Variants in PDZD2 observed in about 807,000 individuals in gnomAD.
The protein encoded by PDZD2 is PDZ domain-containing protein 2.
In PDZD2, 90 loss-of-function variants were observed where a neutral mutation model predicts 220.7. That is an observed-to-expected ratio of 0.41 (90% confidence interval 0.34 to 0.49). The LOEUF (loss-of-function observed/expected upper bound fraction) is 0.49, where lower values mean the gene tolerates loss of function less well. PDZD2 is among the 20% of genes least tolerant of loss of function. The pLI is 0.28. For synonymous variants in PDZD2, 1,375 were observed against 1,450.5 expected, an observed-to-expected ratio of 0.95 and a Z score of 1.18; for missense variants, 3,174 against 3,608.5, an observed-to-expected ratio of 0.88 and a Z score of 3.08.
At chr5:31,767,196 TA>T (rs2150193889) in intron 1 of PDZD2, among the ~76,000 whole-genome samples, 1 of 151,936 alleles carries the variant, frequency 6.6e-6, no homozygotes, top group East Asian at 1.9e-4. Flanking sequence ...CATGCCCAGC[TA>T]ATTTTTGTAT....
At chr5:31,956,296 G>T (rs1047188055) in intron 2 of PDZD2, among the ~76,000 whole-genome samples, 5 of 147,430 alleles carry the variant, frequency 3.4e-5, no homozygotes, top group Non-Finnish European at 7.4e-5. Flanking sequence ...GTGCACCAAT[G>T]TTGGGTGAAA....
intron 2 of PDZD2, among the ~76,000 whole-genome samples, chr5:31,832,045 GT>G (rs1178644000): frequency 3.9e-5 from 6 of 151,978 alleles, no homozygotes; most frequent in Admixed American, 2.0e-4. Context: ...CTTTTAGTAG[GT>G]TTTTGTTTTG....
chr5:31,750,562 G>A (rs568725195), intron 1 of PDZD2, among the ~76,000 whole-genome samples: 36 of 152,308 alleles, frequency 2.4e-4, no homozygotes, highest in African/African-American at 6.5e-4. Flanking sequence ...TGGGTGCCGC[G>A]AGGGTGAGGA....
chr5:31,666,386 C>T (rs982834650), intron 1 of PDZD2, among the ~76,000 whole-genome samples: 11 of 152,252 alleles, frequency 7.2e-5, no homozygotes, highest in African/African-American at 9.6e-5. Flanking sequence ...CTCCTGCAGC[C>T]GAGCTTATCT....
chr5:31,920,827 AT>A lies in PDZD2; in HGVS notation c.477-62324del, dbSNP rs1324700815. Among the ~76,000 whole-genome samples, 6 of 152,092 alleles carry A rather than the reference AT, an allele frequency of 3.9e-5. No homozygotes were observed. In the East Asian group the frequency reaches 1.2e-3, roughly 29 times the overall value. ...CAGGGATCTTCTTACTGTCTCCATAATTTTGCCGTTTCCAGAATGTCATATA... is the reference window on the plus strand; with the variant it reads ...CAGGGATCTTCTTACTGTCTCCATAATTTGCCGTTTCCAGAATGTCATATA... On this transcript the variant is annotated intron_variant, in intron 2 of 24. Coordinates refer to ENST00000438447, the MANE Select transcript of PDZD2 (RefSeq NM_178140.4).
intron 1 of PDZD2, among the ~76,000 whole-genome samples, chr5:31,649,340 C>A (rs1354805474): frequency 1.3e-5 from 2 of 151,916 alleles, no homozygotes; most frequent in African/African-American, 4.8e-5. Context: ...ACATGCTGTA[C>A]TTCTTTCAGT....
chr5:32,046,997 C>A (rs371112558), intron 7 of PDZD2, among the ~76,000 whole-genome samples: 3 of 151,844 alleles, frequency 2.0e-5, no homozygotes, highest in Admixed American at 2.0e-4. Flanking sequence ...GAGCAAATTG[C>A]GCCACTGCAC....
intron 1 of PDZD2, among the ~76,000 whole-genome samples, chr5:31,722,695 TTG>T (rs1554066716): frequency 1.4e-5 from 2 of 139,372 alleles, no homozygotes. Context: ...TGTTTTTTTG[TTG>T]TTTTTTTTTT....
At chr5:31,734,311 T>A (rs253911) in intron 1 of PDZD2, among the ~76,000 whole-genome samples, 42,338 of 151,814 alleles carry the variant, frequency 0.28, 6,220 homozygotes, top group East Asian at 0.51. Context: ...GTCATTTTGT[T>A]GTTGTTGTTG....
chr5:31,876,581 C>T (rs909624258), intron 2 of PDZD2, among the ~76,000 whole-genome samples: 6 of 152,158 alleles, frequency 3.9e-5, no homozygotes, highest in African/African-American at 7.2e-5. Flanking sequence ...CGCGAGCCAC[C>T]GTACCTGGCC....
intron 2 of PDZD2, among the ~76,000 whole-genome samples, chr5:31,920,051 G>A (rs1744073179): frequency 6.6e-6 from 1 of 151,838 alleles, no homozygotes; most frequent in South Asian, 2.1e-4. Context: ...GTTTTGGGAG[G>A]CTAAAGTGGC....
chr5:31,935,235 A>G (rs1427584724), intron 2 of PDZD2, among the ~76,000 whole-genome samples: 2 of 152,192 alleles, frequency 1.3e-5, no homozygotes, highest in Admixed American at 1.3e-4. Context: ...TTGCACATGT[A>G]CATTTTTATA....
intron 1 of PDZD2, among the ~76,000 whole-genome samples, chr5:31,767,221 G>C (rs1022372882): frequency 6.7e-6 from 1 of 149,526 alleles, no homozygotes; most frequent in Non-Finnish European, 1.5e-5. Flanking sequence ...TCGTAGAGAC[G>C]GGGTTTCACC....
chr5:31,702,668 C>T (rs752433975), intron 1 of PDZD2, among the ~76,000 whole-genome samples: 3 of 152,164 alleles, frequency 2.0e-5, no homozygotes, highest in Non-Finnish European at 4.4e-5. Flanking sequence ...CTCTAGAAGT[C>T]GGAGAGATAG....
At chr5:31,929,974 G>A (rs10940979) in intron 2 of PDZD2, among the ~76,000 whole-genome samples, 119,028 of 151,620 alleles carry the variant, frequency 0.79, 46,706 homozygotes, top group Middle Eastern at 0.85. Context: ...TAGTTAATGC[G>A]AGGTCAGGTT....
rs1379871892 is a variant in PDZD2 at position 31,849,990 on chromosome 5, ATACAC to A, written c.476+50267_476+50271del. On this transcript the variant is annotated intron_variant, in intron 2 of 24. Transcript: ENST00000438447. Reference sequence around the variant, plus strand: ...CATATATATATATACATATATATATATACACATATATATATATACACACACACGTA... The same window carrying A: ...CATATATATATATACATATATATATAATATATATATATACACACACACGTA... Among the ~76,000 whole-genome samples, 223 of 27,986 alleles carry A rather than the reference ATACAC, an allele frequency of 8.0e-3. 74 individuals are homozygous for A. The highest frequency in any genetic ancestry group is 0.056 in the African/African-American group (164 of 2,930). The allele number at this position is 27,986 out of a possible 152,430, so 18.4% of individuals were successfully genotyped here.
rs1042662471 is a variant in PDZD2, at chr5:31,799,145, G to A, written c.-104G>A. 5 of 702,962 alleles carry A rather than the reference G, an allele frequency of 7.1e-6. No homozygotes were observed. Among genetic ancestry groups the A allele is most frequent in the Non-Finnish European group, 1.2e-5 (5 of 418,972 alleles). 43.5% of individuals were successfully genotyped at this position (702,962 alleles called of 1,614,324 possible). Reference sequence around the variant, plus strand: ...TCTGCCAGCCTGAACATGAACACAGGCAAAGCTGATGATGGCCAGGGACCC... The same window carrying A: ...TCTGCCAGCCTGAACATGAACACAGACAAAGCTGATGATGGCCAGGGACCC... On this transcript the variant is annotated 5_prime_UTR_variant, in exon 2 of 25. Transcript: ENST00000438447.
chr5:31,759,354 G>T (rs1241004932), intron 1 of PDZD2, among the ~76,000 whole-genome samples: 2 of 152,118 alleles, frequency 1.3e-5, no homozygotes, highest in African/African-American at 2.4e-5. Flanking sequence ...GAAATTAAAA[G>T]ATAAGTTCTT....
rs79104338 is a variant in PDZD2 at position 31,710,288 on chromosome 5, C to T, written c.-361+70851C>T. 4.1e-3 allele frequency among the ~76,000 whole-genome samples: 622 copies of T among 152,192 alleles called. 1 individual carries two copies. Among genetic ancestry groups the T allele is most frequent in the Non-Finnish European group, 5.8e-3 (396 of 68,016 alleles). ...GACTGTCACATGGGTGACAGTTTTGCGTATTTGACATGAATTACACTAGTG... is the reference window on the plus strand; with the variant it reads ...GACTGTCACATGGGTGACAGTTTTGTGTATTTGACATGAATTACACTAGTG... On this transcript the variant is annotated intron_variant, in intron 1 of 24. Transcript: ENST00000438447.
Sources: allele counts gnomAD v4.1 joint callset (sites outside exome capture counted in the v4.1 genomes callset), GRCh38; gene constraint gnomAD v4.1.1; transcripts MANE v1.5; gene names NCBI Gene and HGNC (gene_info 2026-07-23, HGNC 2026-07-21).